Variants in SNX10 observed in about 807,000 individuals in gnomAD.
The protein encoded by SNX10 is sorting nexin-10.
In SNX10, 25 loss-of-function variants were observed where a neutral mutation model predicts 28.5. The observed-to-expected ratio is 0.88, with a 90% CI of 0.64 to 1.22. SNX10 has a LOEUF of 1.22. Among genes scored for constraint, SNX10 ranks in the 50% most tolerant of loss-of-function variants. SNX10 has a pLI of 0.00. For synonymous variants in SNX10, 62 were observed against 81.4 expected (o/e 0.76, Z 1.28); for missense variants, 223 against 242.6 (o/e 0.92, Z 0.54).
chr7:26,347,464 T>TGGGAGCCAGAGGTTGCA (rs1788432784), intron 2 of SNX10, among the ~76,000 whole-genome samples: 1 of 152,174 alleles, frequency 6.6e-6, no homozygotes, highest in Non-Finnish European at 1.5e-5. Context: ...TGCTTGAGCC[T>TGGGAGCCAGAGGTTGCA]GGGAGCCAGA....
rs761163339 is a variant in SNX10, at chr7:26,371,929, C to T, written c.420C>T (p.Tyr140=). Residue 140 remains tyrosine, a synonymous_variant, in exon 6 of 7, where the codon TAC becomes TAT. Coordinates refer to ENST00000338523, the MANE Select transcript of SNX10 (RefSeq NM_013322.3). ...CGTGTGTTTCTGGGCAGACTAAGTACTCTGTGGAAGAAGCAATTCACAAGT... is the reference window on the plus strand; with the variant it reads ...CGTGTGTTTCTGGGCAGACTAAGTATTCTGTGGAAGAAGCAATTCACAAGT... ...IEACVSGQTK[Y]SVEEAIHKFA... 4 of 1,613,370 alleles carry T rather than the reference C, an allele frequency of 2.5e-6. No homozygotes were observed. The highest frequency in any genetic ancestry group is 3.4e-6 in the Non-Finnish European group (4 of 1,179,608).
At chr7:26,372,184 G>A in intron 6 of SNX10, 151 bp downstream of exon 6, 2 of 622,496 alleles carry the variant, frequency 3.2e-6, no homozygotes, top group South Asian at 2.0e-5. Context: ...ATTTTATTGA[G>A]CTGTGACAGC....
intron 1 of SNX10, among the ~76,000 whole-genome samples, chr7:26,342,028 C>CTT (rs35337348): frequency 0.13 from 14,333 of 111,532 alleles, 979 homozygotes; most frequent in East Asian, 0.16. Flanking sequence ...TTTCTTCTTT[C>CTT]TTTTTTTTTT....
At position 26,372,697 on chromosome 7, in the gene SNX10, AAG is replaced by A; in HGVS notation, c.*127_*128del. 1.6e-6 allele frequency: 1 copy of A among 639,708 alleles called. No homozygotes were observed. Among genetic ancestry groups the A allele is most frequent in the Non-Finnish European group, 2.8e-6 (1 of 361,570 alleles). The allele number at this position is 639,708 out of a possible 1,614,324, so 39.6% of individuals were successfully genotyped here. A position where few individuals can be genotyped will look rare whatever the true frequency, so the allele number is the denominator to read the frequency against. ...ATGATGTTAGGTATTTAAATTCTTA[AAG>A]ATGTTGGGTTGTTTATTAGTGGTAT... On this transcript the variant is annotated 3_prime_UTR_variant, in exon 7 of 7. Coordinates refer to ENST00000338523, the MANE Select transcript of SNX10 (RefSeq NM_013322.3).
At chr7:26,310,027 T>C (rs1487295067) in intron 1 of SNX10, among the ~76,000 whole-genome samples, 1 of 152,198 alleles carries the variant, frequency 6.6e-6, no homozygotes, top group Non-Finnish European at 1.5e-5. Context: ...ATTTTAACAT[T>C]ATTCCCCAGT....
chr7:26,302,555 G>T (rs1206001561), intron 1 of SNX10, among the ~76,000 whole-genome samples: 1 of 152,130 alleles, frequency 6.6e-6, no homozygotes, highest in Non-Finnish European at 1.5e-5. Flanking sequence ...CCTGGCCTAC[G>T]TATTGCCCAG....
intron 1 of SNX10, among the ~76,000 whole-genome samples, chr7:26,302,594 G>T (rs1041352748): frequency 2.6e-5 from 4 of 152,186 alleles, no homozygotes; most frequent in Admixed American, 2.0e-4. Context: ...TACTCGTCTT[G>T]TGTGTTGTGC....
intron 1 of SNX10, among the ~76,000 whole-genome samples, chr7:26,321,418 C>T (rs1787302689): frequency 6.6e-6 from 1 of 152,120 alleles, no homozygotes; most frequent in African/African-American, 2.4e-5. Flanking sequence ...ATTTGTTTTC[C>T]TTCTGGATAT....
At chr7:26,345,451 C>T (rs548712344) in intron 1 of SNX10, among the ~76,000 whole-genome samples, 1 of 152,162 alleles carries the variant, frequency 6.6e-6, no homozygotes, top group African/African-American at 2.4e-5. Context: ...GGACTCCCTT[C>T]CTCTTGGAAA....
intron 2 of SNX10, among the ~76,000 whole-genome samples, chr7:26,347,014 T>C (rs1018125061): frequency 6.6e-6 from 1 of 152,206 alleles, no homozygotes; most frequent in Non-Finnish European, 1.5e-5. Context: ...GTCCCTCCTT[T>C]GGCAGTACGC....
chr7:26,315,806 T>C (rs1787061928), intron 1 of SNX10, among the ~76,000 whole-genome samples: 1 of 152,164 alleles, frequency 6.6e-6, no homozygotes, highest in Non-Finnish European at 1.5e-5. Flanking sequence ...GTAAATAAAA[T>C]TGAAGCTGAC....
intron 1 of SNX10, among the ~76,000 whole-genome samples, chr7:26,294,909 T>G (rs1295914169): frequency 1.3e-5 from 2 of 152,180 alleles, no homozygotes; most frequent in Admixed American, 6.6e-5. Flanking sequence ...CTGGAATCAG[T>G]AGTAACTCTC....
intron 1 of SNX10, among the ~76,000 whole-genome samples, chr7:26,344,715 A>G (rs1439901656): frequency 6.6e-6 from 1 of 152,176 alleles, no homozygotes; most frequent in Non-Finnish European, 1.5e-5. Flanking sequence ...CCCATGGCAC[A>G]TAGCAGGAGC....
intron 1 of SNX10, among the ~76,000 whole-genome samples, chr7:26,320,169 A>G (rs1297020873): frequency 6.6e-6 from 1 of 151,652 alleles, no homozygotes; most frequent in Non-Finnish European, 1.5e-5. Context: ...TTTAGTAGAG[A>G]CACGGTTTCA....
chr7:26,336,254 T>C (rs1240477372), intron 1 of SNX10, among the ~76,000 whole-genome samples: 1 of 152,098 alleles, frequency 6.6e-6, no homozygotes, highest in East Asian at 1.9e-4. Flanking sequence ...CACTGTAATC[T>C]TTTGGCGAAA....
At chr7:26,349,343 A>ATT (rs35282662) in intron 2 of SNX10, among the ~76,000 whole-genome samples, 13,072 of 146,642 alleles carry the variant, frequency 0.089, 898 homozygotes, top group South Asian at 0.35. Flanking sequence ...AAATTTAGTA[A>ATT]TTTTTTTTTT....
chr7:26,305,387 A>T (rs776640765), intron 1 of SNX10, among the ~76,000 whole-genome samples: 1 of 152,228 alleles, frequency 6.6e-6, no homozygotes, highest in Non-Finnish European at 1.5e-5. Context: ...AGAGTTTTCT[A>T]TCACACTGTA....
chr7:26,335,735 CTTTT>C (rs57340085), intron 1 of SNX10, among the ~76,000 whole-genome samples: 10 of 84,274 alleles, frequency 1.2e-4, no homozygotes, highest in South Asian at 5.3e-4. Context: ...ATGGAATATT[CTTTT>C]TTTTTTTTTT....
rs149785859 is a variant in SNX10 at position 26,325,306 on chromosome 7, A to AATATATATATATAT, written c.-23-21105_-23-21092dup. 6.1e-3 allele frequency among the ~76,000 whole-genome samples: 312 copies of AATATATATATATAT among 51,350 alleles called. 33 individuals carry two copies. Among genetic ancestry groups the AATATATATATATAT allele is most frequent in the African/African-American group, 0.011 (225 of 19,622 alleles). The allele number at this position is 51,350 out of a possible 152,430, so 33.7% of individuals were successfully genotyped here. On this transcript the variant is annotated intron_variant, in intron 1 of 6. Transcript: ENST00000338523. ...AATTTTTTTCTACTGAAGTTTGCAA[A>AATATATATATATAT]ATATATATATATATATATATATTTG...
Sources: gnomAD v4.1 joint callset for allele counts (sites outside exome capture counted in the v4.1 genomes callset) on GRCh38, gnomAD v4.1.1 for gene constraint, MANE v1.5 for transcripts, NCBI Gene and HGNC (gene_info 2026-07-23, HGNC 2026-07-21) for gene names.